The following NCOR1 variants were observed in gnomAD, a reference collection of about 807,000 sequenced individuals.
The protein encoded by NCOR1 is protein phosphatase 1, regulatory subunit 109.
NCOR1 carries 63 observed loss-of-function variants against 288.1 expected under a neutral mutation model. The ratio of observed to expected loss-of-function variants is 0.22; its 90% confidence interval spans 0.18 to 0.27. The LOEUF (loss-of-function observed/expected upper bound fraction) is 0.27, where lower values mean the gene tolerates loss of function less well. Among genes scored for constraint, NCOR1 ranks in the 10% least tolerant of loss-of-function variants. The probability of loss-of-function intolerance (pLI) is 1.00; values close to 1 mark genes in which losing one functional copy is unlikely to be tolerated. For synonymous variants in NCOR1, 1,007 were observed against 1,065.9 expected, an observed-to-expected ratio of 0.94 and a Z score of 1.08; for missense variants, 2,397 against 3,019.2, an observed-to-expected ratio of 0.79 and a Z score of 4.83.
chr17:16,095,209 A>G (rs1222985702), intron 21 of NCOR1, among the ~76,000 whole-genome samples: 2 of 114,304 alleles, frequency 1.7e-5, no homozygotes, highest in Non-Finnish European at 3.6e-5. Context: ...GAGCGCCTCT[A>G]CCCCGCCGCC....
intron 5 of NCOR1, among the ~76,000 whole-genome samples, chr17:16,162,327 A>C (rs569311184): frequency 6.6e-6 from 1 of 152,238 alleles, no homozygotes; most frequent in African/African-American, 2.4e-5. Context: ...AAGATGTTAC[A>C]ACTAACAGGA....
chr17:16,107,868 A>C (rs2069110897), intron 19 of NCOR1, among the ~76,000 whole-genome samples: 1 of 152,114 alleles, frequency 6.6e-6, no homozygotes, highest in South Asian at 2.1e-4. Flanking sequence ...TCAAAGCCAA[A>C]ACCCATTTCA....
chr17:16,059,168 C>T (rs2060281351), intron 37 of NCOR1, among the ~76,000 whole-genome samples: 1 of 150,664 alleles, frequency 6.6e-6, no homozygotes, highest in Non-Finnish European at 1.5e-5. Context: ...AAAGAAATCA[C>T]CAGGGAAACA....
At chr17:16,188,169 T>C (rs1327245213) in intron 2 of NCOR1, among the ~76,000 whole-genome samples, 4 of 152,072 alleles carry the variant, frequency 2.6e-5, no homozygotes, top group Non-Finnish European at 5.9e-5. Context: ...GTTTTAAAAA[T>C]CATAAACAGA....
chr17:16,098,394 C>T lies in NCOR1; in HGVS notation c.2793G>A (p.Gln931=), dbSNP rs1374585908. 4 of 1,614,030 alleles carry T rather than the reference C, an allele frequency of 2.5e-6. No individual in the cohort carries two copies. In the South Asian group the frequency reaches 3.3e-5, roughly 13 times the overall value. The change falls in exon 21 of 46, where the codon CAG becomes CAA. Residue 931 remains glutamine (Q), a synonymous_variant. Coordinates refer to ENST00000268712, the MANE Select transcript of NCOR1 (RefSeq NM_006311.4). ...KPNPLDLPQL[Q]HRAAVIPPMV... is the part of the protein sequence containing the mutation. Reference sequence around the variant, plus strand: ...TTGGTGGGATAACAGCAGCTCGATGCTGAAGCTGTGGCAGATCCAGTGGAT... The same window carrying T: ...TTGGTGGGATAACAGCAGCTCGATGTTGAAGCTGTGGCAGATCCAGTGGAT...
intron 11 of NCOR1, among the ~76,000 whole-genome samples, chr17:16,140,723 A>G (rs2077022809): frequency 6.6e-6 from 1 of 152,212 alleles, no homozygotes; most frequent in Non-Finnish European, 1.5e-5. Flanking sequence ...CTGAGGGAGT[A>G]GAATCGCTTG....
intron 42 of NCOR1, chr17:16,040,958 A>G (rs1359914127): frequency 6.0e-6 from 1 of 167,632 alleles, no homozygotes; most frequent in Non-Finnish European, 1.3e-5. Context: ...AACAAATAGG[A>G]AAATGCTGTT....
intron 40 of NCOR1, among the ~76,000 whole-genome samples, chr17:16,056,482 T>A (rs1022410504): frequency 1.3e-5 from 2 of 151,888 alleles, no homozygotes; most frequent in Non-Finnish European, 2.9e-5. Flanking sequence ...TGGCTAATTT[T>A]TTTTTTGTAT....
chr17:16,076,375 G>A (rs761558776), intron 26 of NCOR1, among the ~76,000 whole-genome samples: 2 of 152,226 alleles, frequency 1.3e-5, no homozygotes, highest in Non-Finnish European at 2.9e-5. Context: ...CAGTGCAGTG[G>A]TGGTTCAAGA....
Position 16,215,440 on chromosome 17 carries a change from C to G in NCOR1, c.-149G>C. The G allele has an allele frequency of 2.5e-6, 1 of 397,386 alleles. No individual in the cohort carries two copies. The highest frequency in any genetic ancestry group is 4.4e-6 in the Non-Finnish European group (1 of 225,206). 24.6% of individuals were successfully genotyped at this position (397,386 alleles called of 1,614,324 possible). On this transcript the variant is annotated 5_prime_UTR_variant, in exon 1 of 46. Transcript: ENST00000268712. Reference sequence around the variant, plus strand: ...CGCGGCCACGGCGCGCGGCCCTACACCGGGACCTCGTTCGGCGCGGCGAGT... The same window carrying G: ...CGCGGCCACGGCGCGCGGCCCTACAGCGGGACCTCGTTCGGCGCGGCGAGT...
intron 21 of NCOR1, among the ~76,000 whole-genome samples, chr17:16,094,568 C>G (rs2065997430): frequency 6.6e-6 from 1 of 152,040 alleles, no homozygotes. Flanking sequence ...TCCCCTCTCC[C>G]CTCTCCCCTC....
intron 42 of NCOR1, among the ~76,000 whole-genome samples, chr17:16,042,062 GAAGGATGGACTCTTACCC>G (rs1211364508): frequency 2.0e-5 from 3 of 152,168 alleles, no homozygotes; most frequent in African/African-American, 7.2e-5. Context: ...TGAGACCACA[GAAGGATGGACTCTTACCC>G]AAGGGCTGAG....
At chr17:16,210,747 TGAGGCAGA>T (rs1340756659) in intron 1 of NCOR1, among the ~76,000 whole-genome samples, 2 of 151,698 alleles carry the variant, frequency 1.3e-5, no homozygotes, top group African/African-American at 4.9e-5. Context: ...TTTTTTTTCT[TGAGGCAGA>T]GTCTCACTCA....
rs1244860506 is a variant in NCOR1 at position 16,040,509 on chromosome 17, A to G, written c.6680-15T>C. ...CTGAGCAGCTGCTATATTTAAGCAA[A>G]CATTCAAGTTAATTAAGATGTGATA... is the stretch of plus-strand genomic sequence containing the variant. On this transcript the variant is annotated splice_polypyrimidine_tract_variant and intron_variant, in intron 42 of 45. Coordinates refer to ENST00000268712, the MANE Select transcript of NCOR1 (RefSeq NM_006311.4). The G allele has an allele frequency of 6.2e-7, 1 of 1,611,298 alleles. No homozygotes were observed. The highest frequency in any genetic ancestry group is 8.5e-7 in the Non-Finnish European group (1 of 1,178,236).
chr17:16,117,862 A>G, intron 18 of NCOR1, 26 bp downstream of exon 18: 1 of 1,605,280 alleles, frequency 6.2e-7, no homozygotes, highest in Non-Finnish European at 8.5e-7. Flanking sequence ...ACAGTAAGTA[A>G]AGAGTCACCA....
At chr17:16,056,999 T>C (rs887608846) in intron 40 of NCOR1, 3 of 152,014 alleles carry the variant, frequency 2.0e-5, no homozygotes, top group Admixed American at 6.6e-5. Flanking sequence ...ACAAAAAATA[T>C]ATAAACTTTT....
chr17:16,044,667 T>G, intron 42 of NCOR1: 1 of 659,910 alleles, frequency 1.5e-6, no homozygotes, highest in Non-Finnish European at 2.9e-6. Context: ...GCCCTCACTC[T>G]GCATGACAAT....
rs769392489 is a variant in NCOR1, at chr17:16,101,410, T to C, written c.2530A>G (p.Arg844Gly). ...SKVEGDNTKE[R>G]DLDRASEKVE... ...TTCTCACTGGCTCTATCCAAGTCTC[T>C]TTCTTTGGTATTATCACCTTCAACT... Residue 844 changes from arginine (R) to glycine (G), a missense_variant, in exon 20 of 46, where the codon AGA (arginine) becomes GGA (glycine). By Grantham distance (125) the Arg-to-Gly change is moderately radical (BLOSUM62 -2). Coordinates refer to ENST00000268712, the MANE Select transcript of NCOR1 (RefSeq NM_006311.4). 19 of 1,614,234 alleles carry C rather than the reference T, an allele frequency of 1.2e-5. No homozygotes were observed. The highest frequency in any genetic ancestry group is 1.4e-5 in the Non-Finnish European group (17 of 1,180,044).
At chr17:16,061,254 C>T (rs2060518212) in intron 37 of NCOR1, 147 bp downstream of exon 37, 5 of 1,005,592 alleles carry the variant, frequency 5.0e-6, no homozygotes, top group Non-Finnish European at 7.2e-6. Context: ...TTTAAATAAT[C>T]ATAAAAACAG....
Sources: allele counts gnomAD v4.1 joint callset (sites outside exome capture counted in the v4.1 genomes callset), GRCh38; gene constraint gnomAD v4.1.1; transcripts MANE v1.5; gene names NCBI Gene and HGNC (gene_info 2026-07-23, HGNC 2026-07-21).